CRB2: variants seen among roughly 807,000 people sequenced by gnomAD.
CRB2 encodes the protein protein crumbs homolog 2.
A neutral mutation model predicts 110.9 loss-of-function variants in CRB2; 85 were observed. The observed-to-expected ratio is 0.77, with a 90% CI of 0.64 to 0.92. CRB2 has a LOEUF of 0.92. Among genes scored for constraint, CRB2 ranks in the 40% least tolerant of loss-of-function variants. CRB2 has a pLI of 0.00. For missense variants in CRB2, 1,843 were observed against 1,851.3 expected (o/e 1.00, Z 0.08); for synonymous variants, 907 against 831.0 (o/e 1.09, Z -1.57).
intron 11 of CRB2, 73 bp from the exon 12 acceptor site, chr9:123,375,144 G>C: frequency 5.6e-6 from 9 of 1,595,264 alleles, no homozygotes; most frequent in Non-Finnish European, 6.8e-6. Flanking sequence ...AGTGGGGATG[G>C]GCAGCAGAGC....
At chr9:123,365,494 A>AG (rs1344536413) in intron 2 of CRB2, among the ~76,000 whole-genome samples, 1 of 152,134 alleles carries the variant, frequency 6.6e-6, no homozygotes, top group African/African-American at 2.4e-5. Context: ...CTCTTGCTGC[A>AG]GTCTCTTTGG....
intron 6 of CRB2, among the ~76,000 whole-genome samples, chr9:123,369,203 C>T (rs929256045): frequency 3.9e-5 from 6 of 152,132 alleles, no homozygotes; most frequent in Admixed American, 3.9e-4. Flanking sequence ...AGTGTGGGGG[C>T]CCTGGGGCAG....
At chr9:123,366,166 G>T in intron 3 of CRB2, 54 bp downstream of exon 3, 1 of 1,378,680 alleles carries the variant, frequency 7.3e-7, no homozygotes, top group South Asian at 1.7e-5. Flanking sequence ...AGGGCGGGGA[G>T]GCCAGGCGCG....
intron 2 of CRB2, 138 bp from the exon 3 acceptor site, chr9:123,365,779 C>T (rs571364390): frequency 1.3e-6 from 1 of 794,688 alleles, no homozygotes; most frequent in Non-Finnish European, 1.8e-6. Flanking sequence ...GTCCCCCACC[C>T]CCCAACCACC....
chr9:123,369,062 TG>T (rs2041978169), intron 6 of CRB2: 1 of 723,988 alleles, frequency 1.4e-6, no homozygotes, highest in Non-Finnish European at 1.8e-6. Context: ...GTGACTTCTC[TG>T]GGCCTGGGTT....
Position 123,375,927 on chromosome 9 carries a change from C to T in CRB2, c.3633+584C>T, listed in dbSNP as rs143571289. ...GCGGGGTGGGGGGAGTGGGTGCTGG[C>T]GAGGAGAGGCTTGGAAGGGAAGTCT... On this transcript the variant is annotated intron_variant, in intron 12 of 12. Transcript: ENST00000373631. 9.9e-5 allele frequency among the ~76,000 whole-genome samples: 15 copies of T among 152,222 alleles called. No homozygotes were observed. In the East Asian group the frequency reaches 2.5e-3, roughly 25 times the overall value.
intron 1 of CRB2, among the ~76,000 whole-genome samples, chr9:123,359,521 C>T (rs1326656512): frequency 6.8e-6 from 1 of 147,526 alleles, no homozygotes; most frequent in Admixed American, 6.8e-5. Flanking sequence ...AAATCATAGC[C>T]CACTGTAGCC....
upstream of CRB2, among the ~76,000 whole-genome samples, chr9:123,354,129 G>A (rs1361062736): frequency 6.6e-6 from 1 of 152,186 alleles, no homozygotes; most frequent in East Asian, 1.9e-4. Context: ...GCTGTCCAGC[G>A]ACTCCCTGGC....
chr9:123,356,955 A>G (rs931721344), intron 1 of CRB2, among the ~76,000 whole-genome samples: 3 of 151,832 alleles, frequency 2.0e-5, no homozygotes, highest in Non-Finnish European at 2.9e-5. Flanking sequence ...GGGGTGTGGG[A>G]TGTGCACAGC....
chr9:123,376,882 C>T lies in CRB2; in HGVS notation c.3678C>T (p.Ala1226=), dbSNP rs149457987. The change falls in exon 13 of 13, where the codon GCC becomes GCT. Residue 1226 remains alanine, a synonymous_variant. Transcript: ENST00000373631. Reference sequence around the variant, plus strand: ...TGCCATTCCCACTGCTGGAGGTGGCCGTACCTGCAGCCTGTGCCTGCCTCC... The same window carrying T: ...TGCCATTCCCACTGCTGGAGGTGGCTGTACCTGCAGCCTGTGCCTGCCTCC... ...LPLPFPLLEV[A]VPAACACLLL... 7.6e-4 allele frequency: 1,226 copies of T among 1,609,842 alleles called. 2 individuals are homozygous for T. Among genetic ancestry groups the T allele is most frequent in the Non-Finnish European group, 9.9e-4 (1,167 of 1,179,376 alleles).
At chr9:123,354,483 C>T (rs2041778339), upstream of CRB2, among the ~76,000 whole-genome samples, 1 of 152,234 alleles carries the variant, frequency 6.6e-6, no homozygotes, top group South Asian at 2.1e-4. Flanking sequence ...CTCACTAACG[C>T]CACCATTTTA....
chr9:123,372,843 C>T (rs75637503), intron 9 of CRB2, among the ~76,000 whole-genome samples: 217 of 152,340 alleles, frequency 1.4e-3, no homozygotes, highest in African/African-American at 4.9e-3. Context: ...GGGAAGGGGC[C>T]AGATTCTGCC....
In CRB2 at chr9:123,370,933, T is replaced by G. The variant is rs1225430852; in HGVS notation, c.1880T>G (p.Phe627Cys). 1 of 1,610,406 alleles carries G rather than the reference T, an allele frequency of 6.2e-7. No individual in the cohort carries two copies. Among genetic ancestry groups the G allele is most frequent in the Admixed American group, 1.7e-5 (1 of 59,864 alleles). Residue 627 changes from phenylalanine (F) to cysteine (C), a missense_variant, in exon 7 of 13, where the codon TTC becomes TGC. Transcript: ENST00000373631. The part of the protein sequence containing the change: ...GGSCVDLWTH[F>C]RCDCARPHRG... ...TCCTGTGTGGATCTGTGGACTCATT[T>G]CCGTTGCGACTGTGCCCGGCCCCAT...
rs2042134397 is a variant in CRB2 at position 123,378,204 on chromosome 9, G to T, written c.*1142G>T. 6.6e-6 allele frequency: 1 copy of T among 152,270 alleles called. No individual in the cohort carries two copies. Among genetic ancestry groups the T allele is most frequent in the Non-Finnish European group, 1.5e-5 (1 of 68,074 alleles). The allele number at this position is 152,270 out of a possible 1,614,324, so 9.4% of individuals were successfully genotyped here. Reference sequence around the variant, plus strand: ...GAACACTGGCGCTGCCTCTGAGTCGGGGCTGGGCCTGCAGAGGCCGACTCA... The same window carrying T: ...GAACACTGGCGCTGCCTCTGAGTCGTGGCTGGGCCTGCAGAGGCCGACTCA... On this transcript the variant is annotated 3_prime_UTR_variant, in exon 13 of 13. Coordinates refer to ENST00000373631, the MANE Select transcript of CRB2 (RefSeq NM_173689.7).
rs141473746 is a variant in CRB2 at position 123,374,519 on chromosome 9, C to T, written c.3390-60C>T. The T allele has an allele frequency of 1.5e-3, 1,875 of 1,262,356 alleles. 5 individuals are homozygous for T. Among genetic ancestry groups the T allele is most frequent in the Non-Finnish European group, 1.8e-3 (1,609 of 873,250 alleles). The allele number at this position is 1,262,356 out of a possible 1,614,324, so 78.2% of individuals were successfully genotyped here. ...AAGCTCAGGTGGCCCACGGTCACAG[C>T]GCTGGGGAGGGCAGGTCCCAGGTGT... On this transcript the variant is annotated intron_variant, in intron 10 of 12. Transcript: ENST00000373631.
chr9:123,380,225 C>CGGGCCATACTTTAACTTGGT (rs1304665398), downstream of CRB2: 1 of 152,344 alleles, frequency 6.6e-6, no homozygotes, highest in African/African-American at 2.4e-5. Context: ...CTTAAATGGT[C>CGGGCCATACTTTAACTTGGT]GGGCCATACT....
chr9:123,368,279 G>A (rs1205398678), intron 6 of CRB2, among the ~76,000 whole-genome samples: 1 of 152,122 alleles, frequency 6.6e-6, no homozygotes, highest in African/African-American at 2.4e-5. Context: ...TCCTCCACCA[G>A]GGGAAAGAGA....
At chr9:123,369,026 T>C in intron 6 of CRB2, 1 of 1,045,724 alleles carries the variant, frequency 9.6e-7, no homozygotes, top group Non-Finnish European at 1.2e-6. Flanking sequence ...GTTTGTGAGC[T>C]GATCGAGGCT....
chr9:123,356,453 C>T (rs907568603), intron 1 of CRB2, 99 bp downstream of exon 1: 47 of 931,838 alleles, frequency 5.0e-5, no homozygotes, highest in African/African-American at 8.4e-5. Context: ...TGGGCTGGTC[C>T]GCGTGGGTGC....
Sources: gnomAD v4.1 joint callset for allele counts (sites outside exome capture counted in the v4.1 genomes callset) on GRCh38, gnomAD v4.1.1 for gene constraint, MANE v1.5 for transcripts, NCBI Gene and HGNC (gene_info 2026-07-23, HGNC 2026-07-21) for gene names.